Variants in FBXL17 observed in about 807,000 individuals in gnomAD.
FBXL17 encodes F-box and leucine rich repeat protein 17, also known as F-box/LRR-repeat protein 17.
In FBXL17, 22 loss-of-function variants were observed where a neutral mutation model predicts 66.2. That is an observed-to-expected ratio of 0.33 (90% CI 0.24 to 0.47). The LOEUF (loss-of-function observed/expected upper bound fraction) is 0.47. Among genes scored for constraint, FBXL17 ranks in the 20% least tolerant of loss-of-function variants. The pLI, the probability that FBXL17 is intolerant of heterozygous loss-of-function variation, is 1.00. For missense variants in FBXL17, 878 were observed against 948.2 expected (o/e 0.93, Z 0.97); for synonymous variants, 474 against 400.5 (o/e 1.18, Z -2.19).
chr5:108,200,362 G>A (rs1346939494), intron 5 of FBXL17, among the ~76,000 whole-genome samples: 1 of 151,982 alleles, frequency 6.6e-6, no homozygotes, highest in Non-Finnish European at 1.5e-5. Flanking sequence ...TGAAGCAAAA[G>A]AAAAGAAGGA....
chr5:108,154,616 TACACACAC>T (rs768615062), intron 6 of FBXL17, among the ~76,000 whole-genome samples: 28 of 96,284 alleles, frequency 2.9e-4, no homozygotes, highest in East Asian at 1.2e-3. Flanking sequence ...AATATATATA[TACACACAC>T]ACACACACAC....
chr5:108,219,915 T>C (rs1263247500), intron 5 of FBXL17, among the ~76,000 whole-genome samples: 4 of 147,490 alleles, frequency 2.7e-5, no homozygotes, highest in African/African-American at 7.4e-5. Context: ...TCCTCTTTGA[T>C]CTTTACTATT....
intron 3 of FBXL17, among the ~76,000 whole-genome samples, chr5:108,363,440 GA>G (rs971696218): frequency 6.6e-6 from 1 of 151,690 alleles, no homozygotes; most frequent in African/African-American, 2.4e-5. Flanking sequence ...TACCTAAGGG[GA>G]AAAAAATTTG....
At chr5:108,068,059 A>C (rs1019998078) in intron 6 of FBXL17, among the ~76,000 whole-genome samples, 2 of 152,146 alleles carry the variant, frequency 1.3e-5, no homozygotes, top group African/African-American at 2.4e-5. Context: ...TTTTAAACTT[A>C]ATGTATTGAC....
chr5:108,291,011 G>A (rs757279016), intron 4 of FBXL17, among the ~76,000 whole-genome samples: 4 of 152,180 alleles, frequency 2.6e-5, no homozygotes, highest in East Asian at 1.9e-4. Context: ...CATATGCAAC[G>A]CCATCTAAAA....
chr5:108,181,919 C>G (rs1033785933), intron 6 of FBXL17, among the ~76,000 whole-genome samples: 4 of 151,976 alleles, frequency 2.6e-5, no homozygotes, highest in African/African-American at 9.7e-5. Flanking sequence ...AAAAATACAT[C>G]CACTGAAAAG....
chr5:108,242,564 A>C (rs1755910014), intron 4 of FBXL17, among the ~76,000 whole-genome samples: 1 of 152,124 alleles, frequency 6.6e-6, no homozygotes, highest in African/African-American at 2.4e-5. Flanking sequence ...TTATTTCATC[A>C]AGCAAACTAG....
At chr5:107,876,040 C>A (rs1376398722) in intron 8 of FBXL17, among the ~76,000 whole-genome samples, 1 of 152,216 alleles carries the variant, frequency 6.6e-6, no homozygotes, top group Non-Finnish European at 1.5e-5. Context: ...TAGGGTGGAC[C>A]TTTCACAATC....
chr5:108,362,671 ATTG>A (rs1344562072), intron 3 of FBXL17, among the ~76,000 whole-genome samples: 2 of 152,128 alleles, frequency 1.3e-5, no homozygotes, highest in Non-Finnish European at 1.5e-5. Context: ...CTTAAGAAAT[ATTG>A]TTAAGCAGAA....
chr5:108,249,351 C>T (rs982187735), intron 4 of FBXL17, among the ~76,000 whole-genome samples: 1 of 152,002 alleles, frequency 6.6e-6, no homozygotes, highest in African/African-American at 2.4e-5. Flanking sequence ...ATAAGAGCTC[C>T]GCACATTATT....
chr5:107,975,878 G>GA (rs1752564484), intron 7 of FBXL17, among the ~76,000 whole-genome samples: 1 of 93,244 alleles, frequency 1.1e-5, no homozygotes, highest in Non-Finnish European at 2.3e-5. Flanking sequence ...TTTTTTTTTT[G>GA]AAACGGGGTC....
chr5:108,292,385 T>A (rs1487087031), intron 4 of FBXL17, among the ~76,000 whole-genome samples: 2 of 152,060 alleles, frequency 1.3e-5, no homozygotes, highest in African/African-American at 4.8e-5. Flanking sequence ...TGTCCCAAAG[T>A]GCTAGGATTA....
chr5:107,984,798 T>A (rs1752956545), intron 7 of FBXL17, among the ~76,000 whole-genome samples: 1 of 152,212 alleles, frequency 6.6e-6, no homozygotes, highest in Non-Finnish European at 1.5e-5. Context: ...CTGAGAATAC[T>A]AGAAAATATT....
rs150368540 is a variant in FBXL17, at chr5:108,239,491, G to A, written c.1507-15263C>T. On this transcript the variant is annotated intron_variant, in intron 4 of 8. Coordinates refer to ENST00000542267, the MANE Select transcript of FBXL17 (RefSeq NM_001163315.3). ...CAACACCAGGCAGAACTACGCTGGC[G>A]CCTATGGAGGAAGCATTTATACCTG... Among the ~76,000 whole-genome samples the A allele has an allele frequency of 6.8e-3, 1,043 of 152,282 alleles. 16 individuals carry two copies. Among genetic ancestry groups the A allele is most frequent in the African/African-American group, 0.024 (984 of 41,550 alleles).
chr5:107,906,926 C>A (rs950380629), intron 7 of FBXL17, among the ~76,000 whole-genome samples: 1 of 152,184 alleles, frequency 6.6e-6, no homozygotes, highest in African/African-American at 2.4e-5. Flanking sequence ...GGCAATATCT[C>A]TAGAGGAGTT....
At chr5:108,204,239 G>A (rs966919140) in intron 5 of FBXL17, among the ~76,000 whole-genome samples, 2 of 151,990 alleles carry the variant, frequency 1.3e-5, no homozygotes, top group African/African-American at 4.8e-5. Flanking sequence ...GGATCTCGCT[G>A]ATTGCAGTGG....
intron 7 of FBXL17, among the ~76,000 whole-genome samples, chr5:107,962,849 T>G (rs1751973546): frequency 1.3e-5 from 2 of 152,070 alleles, no homozygotes; most frequent in South Asian, 2.1e-4. Flanking sequence ...TAGAAGTCTT[T>G]GTAGATGTGC....
chr5:108,104,832 T>A lies in FBXL17; in HGVS notation c.1745+81285A>T, dbSNP rs543564095. Reference sequence around the variant, plus strand: ...ACTTTGGGGAGTACACAATTATGTTTTTTGTTTTGTTTTGTTTTGTTTTTT... The same window carrying A: ...ACTTTGGGGAGTACACAATTATGTTATTTGTTTTGTTTTGTTTTGTTTTTT... On this transcript the variant is annotated intron_variant, in intron 6 of 8. Transcript: ENST00000542267. 2.0e-5 allele frequency among the ~76,000 whole-genome samples: 3 copies of A among 152,066 alleles called. No homozygotes were observed. In the South Asian group the frequency reaches 6.3e-4, roughly 32 times the overall value.
At chr5:108,173,830 C>T (rs1211382933) in intron 6 of FBXL17, among the ~76,000 whole-genome samples, 1 of 152,182 alleles carries the variant, frequency 6.6e-6, no homozygotes, top group Non-Finnish European at 1.5e-5. Context: ...TCATTCTTTT[C>T]AGCTGAGGAT....
Sources: gnomAD v4.1 joint callset for allele counts (sites outside exome capture counted in the v4.1 genomes callset) on GRCh38, gnomAD v4.1.1 for gene constraint, MANE v1.5 for transcripts, NCBI Gene and HGNC (gene_info 2026-07-23, HGNC 2026-07-21) for gene names.